The following ZNF169 variants were observed in gnomAD, a reference collection of about 807,000 sequenced individuals.
The protein encoded by ZNF169 is zinc finger protein 169.
A neutral mutation model predicts 12.0 loss-of-function variants in ZNF169; 11 were observed. That is an observed-to-expected ratio of 0.92 (90% CI 0.58 to 1.52). The LOEUF (loss-of-function observed/expected upper bound fraction) is 1.52. Ranked by LOEUF, ZNF169 falls within the 40% of genes most tolerant of loss-of-function variation. The pLI, the probability that ZNF169 is intolerant of heterozygous loss-of-function variation, is 0.00. For missense variants in ZNF169, 722 were observed against 744.0 expected (o/e 0.97, Z 0.34); for synonymous variants, 302 against 286.5 (o/e 1.05, Z -0.55).
chr9:94,273,760 TA>T (rs1423763833), intron 1 of ZNF169, among the ~76,000 whole-genome samples: 1 of 152,016 alleles, frequency 6.6e-6, no homozygotes, highest in Non-Finnish European at 1.5e-5. Flanking sequence ...TTTGTATTTT[TA>T]GTAGAGATGG....
chr9:94,276,430 A>G (rs1830520219), intron 1 of ZNF169, among the ~76,000 whole-genome samples: 2 of 151,896 alleles, frequency 1.3e-5, no homozygotes, highest in Admixed American at 1.3e-4. Flanking sequence ...ACACCCAGCA[A>G]ATTTTTTGTA....
chr9:94,284,805 G>T (rs527580131), intron 2 of ZNF169, among the ~76,000 whole-genome samples: 2 of 152,144 alleles, frequency 1.3e-5, no homozygotes, highest in African/African-American at 4.8e-5. Context: ...TGTTAAGATG[G>T]CAGTACTACC....
At chr9:94,296,964 G>A (rs550529095) in intron 4 of ZNF169, 19 of 373,316 alleles carry the variant, frequency 5.1e-5, no homozygotes, top group Admixed American at 3.0e-4. Context: ...GGAGGATCGC[G>A]TGAACTCGGG....
rs111829926 is a variant in ZNF169 at position 94,292,600 on chromosome 9, A to G, written c.160+133A>G. 2.3e-4 allele frequency: 200 copies of G among 859,584 alleles called. No individual in the cohort carries two copies. In the African/African-American group the frequency reaches 3.3e-3, roughly 14 times the overall value. The allele number at this position is 859,584 out of a possible 1,614,324, so 53.2% of individuals were successfully genotyped here. On this transcript the variant is annotated intron_variant, in intron 3 of 4. Coordinates refer to ENST00000395395, the MANE Select transcript of ZNF169 (RefSeq NM_194320.4). ...CCCCCAGAGAATGCCTGGCTTTCAC[A>G]GTGCAGTTGTGTGTGTGTGTGTGTG... is the stretch of plus-strand genomic sequence containing the variant.
chr9:94,297,080 T>C (rs1302209090), intron 4 of ZNF169, among the ~76,000 whole-genome samples: 1 of 152,118 alleles, frequency 6.6e-6, no homozygotes, highest in Non-Finnish European at 1.5e-5. Context: ...AAATCCTCCA[T>C]CTTTGCTTTT....
In ZNF169 at chr9:94,276,502, A is replaced by T. The variant is rs573612318; in HGVS notation, c.-55-2256A>T. On this transcript the variant is annotated intron_variant, in intron 1 of 4. Coordinates refer to ENST00000395395, the MANE Select transcript of ZNF169 (RefSeq NM_194320.4). Reference sequence around the variant, plus strand: ...GCTTGAACACCTGACCTCATGATTCACCCACCTCGGCCTCCCAAAGTGCTA... The same window carrying T: ...GCTTGAACACCTGACCTCATGATTCTCCCACCTCGGCCTCCCAAAGTGCTA... Among the ~76,000 whole-genome samples, 5 of 151,644 alleles carry T rather than the reference A, an allele frequency of 3.3e-5. No individual in the cohort carries two copies. In the East Asian group the frequency reaches 9.8e-4, roughly 30 times the overall value.
At chr9:94,293,106 C>T in intron 4 of ZNF169, 37 bp downstream of exon 4, 1 of 1,561,876 alleles carries the variant, frequency 6.4e-7, no homozygotes, top group Non-Finnish European at 8.8e-7. Flanking sequence ...GGGTGCAGGG[C>T]AGTGAGGAGC....
At chr9:94,272,448 T>C (rs10122555) in intron 1 of ZNF169, among the ~76,000 whole-genome samples, 37 of 152,312 alleles carry the variant, frequency 2.4e-4, no homozygotes, top group African/African-American at 8.4e-4. Flanking sequence ...ATTCTTTTCC[T>C]CTTCCCCATC....
intron 4 of ZNF169, among the ~76,000 whole-genome samples, chr9:94,298,685 C>T (rs1000845877): frequency 1.4e-5 from 2 of 147,204 alleles, no homozygotes; most frequent in Non-Finnish European, 3.0e-5. Flanking sequence ...GCCAAGATCA[C>T]GCCACTGCAC....
chr9:94,260,478 G>C (rs929050462), intron 1 of ZNF169, among the ~76,000 whole-genome samples: 1 of 71,040 alleles, frequency 1.4e-5, no homozygotes, highest in South Asian at 3.7e-4. Context: ...ACTTGGTCTT[G>C]ATAGTGGGGG....
intron 1 of ZNF169, among the ~76,000 whole-genome samples, chr9:94,264,981 GT>G (rs35026303): frequency 8.8e-6 from 1 of 113,280 alleles, no homozygotes; most frequent in African/African-American, 3.2e-5. Flanking sequence ...TTTTTCCAGG[GT>G]TCTTTTACTA....
intron 1 of ZNF169, among the ~76,000 whole-genome samples, chr9:94,264,761 CT>C (rs1564081213): frequency 6.6e-6 from 1 of 152,120 alleles, no homozygotes; most frequent in Non-Finnish European, 1.5e-5. Flanking sequence ...AAAGTTTTGC[CT>C]TTCCTAGAAT....
At chr9:94,285,123 G>C (rs1337720446) in intron 2 of ZNF169, among the ~76,000 whole-genome samples, 2 of 152,108 alleles carry the variant, frequency 1.3e-5, no homozygotes, top group East Asian at 3.8e-4. Context: ...TGGATGTCGA[G>C]ATCCTTCCAT....
chr9:94,278,162 C>CT (rs1830558628), intron 1 of ZNF169, among the ~76,000 whole-genome samples: 1 of 152,174 alleles, frequency 6.6e-6, no homozygotes, highest in Non-Finnish European at 1.5e-5. Flanking sequence ...TTAAAAATCT[C>CT]TTTATGAAAT....
chr9:94,284,648 A>T (rs1830691193), intron 2 of ZNF169, among the ~76,000 whole-genome samples: 2 of 152,238 alleles, frequency 1.3e-5, no homozygotes, highest in South Asian at 4.1e-4. Flanking sequence ...TTATAACAGC[A>T]TCAAAAAGAA....
intron 2 of ZNF169, among the ~76,000 whole-genome samples, chr9:94,286,913 G>A (rs968140030): frequency 1.3e-5 from 2 of 152,174 alleles, no homozygotes; most frequent in Non-Finnish European, 2.9e-5. Flanking sequence ...GCGTAAAAGA[G>A]GTGAGGATGA....
At chr9:94,296,225 A>T (rs1830947995) in intron 4 of ZNF169, among the ~76,000 whole-genome samples, 1 of 152,088 alleles carries the variant, frequency 6.6e-6, no homozygotes, top group Admixed American at 6.6e-5. Flanking sequence ...GTGGTTTCTT[A>T]TTTTTGTATT....
Position 94,300,579 on chromosome 9 carries a change from T to C in ZNF169, c.1021T>C (p.Leu341=). 6.2e-7 allele frequency: 1 copy of C among 1,612,736 alleles called. No individual in the cohort carries two copies. Among genetic ancestry groups the C allele is most frequent in the South Asian group, 1.1e-5 (1 of 90,998 alleles). The change falls in exon 5 of 5, where the codon TTG becomes CTG. Residue 341 remains leucine (L), a synonymous_variant. Transcript: ENST00000395395. ...IALLLHQRTH[L]EEKPFVCPEC... is the part of the protein sequence containing the mutation. ...CCTCCTTCTACACCAGAGGACGCAC[T>C]TGGAGGAGAAGCCCTTCGTGTGTCC...
In ZNF169 at chr9:94,301,312, T is replaced by G. The variant is rs767582562; in HGVS notation, c.1754T>G (p.Leu585Trp). The change falls in exon 5 of 5, where the codon TTG (leucine) becomes TGG (tryptophan). Residue 585 changes from leucine (L) to tryptophan (W), a missense_variant. Coordinates refer to ENST00000395395, the MANE Select transcript of ZNF169 (RefSeq NM_194320.4). ...CGRGFSQKSH[L>W]HRHRRTKSGH... ...CGTGGCTTTAGCCAGAAGTCTCACT[T>G]GCATAGACACAGGAGGACCAAGTCT... 6.2e-7 allele frequency: 1 copy of G among 1,614,204 alleles called. No individual in the cohort carries two copies. The highest frequency in any genetic ancestry group is 8.5e-7 in the Non-Finnish European group (1 of 1,180,038).
Sources: gnomAD v4.1 joint callset for allele counts (sites outside exome capture counted in the v4.1 genomes callset) on GRCh38, gnomAD v4.1.1 for gene constraint, MANE v1.5 for transcripts, NCBI Gene and HGNC (gene_info 2026-07-23, HGNC 2026-07-21) for gene names.